Variants in SLC39A11 observed in about 807,000 individuals in gnomAD.
The protein encoded by SLC39A11 is solute carrier family 39 member 11, also known as zinc transporter ZIP11.
In SLC39A11, 33 loss-of-function variants were observed where a neutral mutation model predicts 36.1. The observed-to-expected ratio is 0.91, with a 90% CI of 0.69 to 1.22. The LOEUF is 1.22. Ranked by LOEUF, SLC39A11 falls within the 50% of genes most tolerant of loss-of-function variation. The pLI is 0.00. For missense variants in SLC39A11, 432 were observed against 430.3 expected, an observed-to-expected ratio of 1.00 and a Z score of -0.03; for synonymous variants, 166 against 170.3, an observed-to-expected ratio of 0.97 and a Z score of 0.20.
At chr17:72,812,304 C>T (rs983883855) in intron 6 of SLC39A11, among the ~76,000 whole-genome samples, 2 of 152,122 alleles carry the variant, frequency 1.3e-5, no homozygotes, top group African/African-American at 4.8e-5. Flanking sequence ...CCAGGGTCAG[C>T]TTTAAGAATC....
chr17:73,086,749 G>C (rs2060743108), intron 2 of SLC39A11, among the ~76,000 whole-genome samples: 1 of 152,212 alleles, frequency 6.6e-6, no homozygotes, highest in Non-Finnish European at 1.5e-5. Flanking sequence ...GAACCCAGGA[G>C]GTGGAGGTTG....
chr17:72,846,336 C>A (rs1312370749), intron 6 of SLC39A11, among the ~76,000 whole-genome samples: 1 of 152,006 alleles, frequency 6.6e-6, no homozygotes, highest in Non-Finnish European at 1.5e-5. Flanking sequence ...GGCCTCAATC[C>A]TTATTTGAAA....
intron 4 of SLC39A11, among the ~76,000 whole-genome samples, chr17:72,957,616 C>A (rs924600785): frequency 6.6e-6 from 1 of 152,170 alleles, no homozygotes; most frequent in Admixed American, 6.5e-5. Context: ...GTCAAAAGTT[C>A]GAGAACAGTC....
At chr17:72,957,622 C>T (rs1196979048) in intron 4 of SLC39A11, among the ~76,000 whole-genome samples, 1 of 152,228 alleles carries the variant, frequency 6.6e-6, no homozygotes, top group Non-Finnish European at 1.5e-5. Context: ...AGTTCGAGAA[C>T]AGTCTGGCCA....
intron 6 of SLC39A11, among the ~76,000 whole-genome samples, chr17:72,820,428 T>C (rs1425433465): frequency 6.6e-6 from 1 of 151,124 alleles, no homozygotes; most frequent in Non-Finnish European, 1.5e-5. Flanking sequence ...TAATTTTCCT[T>C]GTGCCTCTCC....
chr17:73,067,679 G>A (rs758912403), intron 3 of SLC39A11, among the ~76,000 whole-genome samples: 13 of 152,060 alleles, frequency 8.5e-5, no homozygotes, highest in African/African-American at 2.9e-4. Flanking sequence ...GATGACTGGC[G>A]TATTAATACA....
chr17:72,733,020 T>G (rs981293466), intron 7 of SLC39A11, among the ~76,000 whole-genome samples: 1 of 152,214 alleles, frequency 6.6e-6, no homozygotes, highest in Non-Finnish European at 1.5e-5. Flanking sequence ...TGGAGTTTTA[T>G]AGTCCCTTTT....
chr17:72,677,427 A>C (rs2071317789), intron 7 of SLC39A11, among the ~76,000 whole-genome samples: 1 of 152,192 alleles, frequency 6.6e-6, no homozygotes, highest in African/African-American at 2.4e-5. Flanking sequence ...GGGTCAGGAG[A>C]TGGGACATTC....
intron 4 of SLC39A11, among the ~76,000 whole-genome samples, chr17:72,981,593 G>GGA (rs1253043058): frequency 4.1e-5 from 1 of 24,432 alleles, no homozygotes; most frequent in African/African-American, 1.4e-4. Context: ...ATATTTAAAT[G>GGA]CAAAAAAAAA....
intron 4 of SLC39A11, among the ~76,000 whole-genome samples, chr17:73,012,767 T>C (rs917098981): frequency 9.9e-5 from 15 of 152,124 alleles, no homozygotes; most frequent in African/African-American, 3.6e-4. Flanking sequence ...AATGTTTATT[T>C]TATTTTATTT....
At chr17:72,954,016 T>G (rs1280660015) in intron 4 of SLC39A11, among the ~76,000 whole-genome samples, 1 of 152,234 alleles carries the variant, frequency 6.6e-6, no homozygotes, top group Non-Finnish European at 1.5e-5. Flanking sequence ...TGCTGGCCCA[T>G]GAAGGGCAGT....
intron 7 of SLC39A11, among the ~76,000 whole-genome samples, chr17:72,684,287 T>G (rs7214498): frequency 0.25 from 38,709 of 152,126 alleles, 5,116 homozygotes; most frequent in Middle Eastern, 0.31. Flanking sequence ...GTAAAGTCAA[T>G]GGTACAAGTG....
At chr17:73,055,883 A>C (rs937793935) in intron 3 of SLC39A11, among the ~76,000 whole-genome samples, 1 of 152,232 alleles carries the variant, frequency 6.6e-6, no homozygotes, top group African/African-American at 2.4e-5. Context: ...TCTTCTGTCC[A>C]TAAATGTCCC....
intron 7 of SLC39A11, among the ~76,000 whole-genome samples, chr17:72,651,044 T>A (rs2069828580): frequency 6.6e-6 from 1 of 152,098 alleles, no homozygotes; most frequent in Non-Finnish European, 1.5e-5. Context: ...TTCATTGAGG[T>A]TCGTAGTTCC....
At position 73,031,596 on chromosome 17, in the gene SLC39A11, G is replaced by C. The variant is rs202154945; in HGVS notation, c.266C>G (p.Ala89Gly). ...GAGGTCAGCCAAGTAGACAAAAGCC[G>C]CTCCAAGGGTGAAGCCAACAGCCAC... ...FPVAVGFTLG[A>G]AFVYLADLLM... Residue 89 changes from alanine (A) to glycine (G), a missense_variant, in exon 4 of 10, where the codon GCG becomes GGG. Ala to Gly is a moderately conservative substitution (Grantham distance 60). Transcript: ENST00000255559. The C allele has an allele frequency of 1.9e-6, 3 of 1,614,024 alleles. No homozygotes were observed. Among genetic ancestry groups the C allele is most frequent in the Non-Finnish European group, 2.5e-6 (3 of 1,180,044 alleles).
intron 7 of SLC39A11, among the ~76,000 whole-genome samples, chr17:72,681,500 G>A (rs2071508042): frequency 6.6e-6 from 1 of 152,178 alleles, no homozygotes; most frequent in South Asian, 2.1e-4. Context: ...AAGGAGAGAA[G>A]TCACGAATTG....
intron 3 of SLC39A11, among the ~76,000 whole-genome samples, chr17:73,064,494 G>A (rs558454804): frequency 5.5e-4 from 83 of 152,220 alleles, no homozygotes; most frequent in African/African-American, 1.8e-3. Context: ...AAGGACTTGT[G>A]GCTAATCCTG....
chr17:73,007,570 G>T (rs562954888), intron 4 of SLC39A11, among the ~76,000 whole-genome samples: 2 of 152,130 alleles, frequency 1.3e-5, no homozygotes, highest in African/African-American at 4.8e-5. Flanking sequence ...GGGAGAACAC[G>T]AGAAAAGGCT....
intron 5 of SLC39A11, among the ~76,000 whole-genome samples, chr17:72,871,959 T>G (rs149640400): frequency 1.3e-5 from 2 of 152,170 alleles, no homozygotes; most frequent in African/African-American, 2.4e-5. Context: ...AGTGGCAGAA[T>G]TGAATTCAAT....
Sources: gnomAD v4.1 joint callset for allele counts (sites outside exome capture counted in the v4.1 genomes callset) on GRCh38, gnomAD v4.1.1 for gene constraint, MANE v1.5 for transcripts, NCBI Gene and HGNC (gene_info 2026-07-23, HGNC 2026-07-21) for gene names.